LHFPL3: variants seen among roughly 807,000 people sequenced by gnomAD.
LHFPL3 encodes the protein LHFPL tetraspan subfamily member 3.
Under a neutral mutation model 19.3 loss-of-function variants are expected in LHFPL3, and 5 were observed. The ratio of observed to expected loss-of-function variants is 0.26; its 90% CI spans 0.14 to 0.54. The LOEUF is 0.54. LHFPL3 is among the 20% of genes least tolerant of loss of function. The probability of loss-of-function intolerance (pLI) is 0.94; values close to 1 mark genes in which losing one functional copy is unlikely to be tolerated. For synonymous variants in LHFPL3, 133 were observed against 126.2 expected (o/e 1.05, Z -0.36); for missense variants, 249 against 307.4 (o/e 0.81, Z 1.42).
chr7:104,826,685 C>G (rs1482903656), intron 2 of LHFPL3: 1 of 153,206 alleles, frequency 6.5e-6, no homozygotes, highest in Non-Finnish European at 1.5e-5. Flanking sequence ...CCATCATGAC[C>G]CTGAAGCTGC....
intron 1 of LHFPL3, among the ~76,000 whole-genome samples, chr7:104,550,725 C>T (rs1185688333): frequency 1.3e-5 from 2 of 152,102 alleles, no homozygotes; most frequent in East Asian, 1.9e-4. Context: ...TTACCAGCTC[C>T]ATTGAAACCT....
Position 104,505,586 on chromosome 7 carries a change from GA to G in LHFPL3, c.445+176372del, listed in dbSNP as rs200261590. On this transcript the variant is annotated intron_variant, in intron 1 of 2. Transcript: ENST00000424859. The stretch of plus-strand genomic sequence containing the variant: ...ATGACTGAGTTGTTTTGTTTGATAG[GA>G]AAAAAAAAATTTAAACTCTTTGGGA... Among the ~76,000 whole-genome samples the G allele has an allele frequency of 2.6e-4, 39 of 149,154 alleles. No individual in the cohort carries two copies. In the East Asian group the frequency reaches 3.9e-3, roughly 15 times the overall value.
rs146719092 is a variant in LHFPL3 at position 104,386,545 on chromosome 7, T to A, written c.445+57321T>A. Among the ~76,000 whole-genome samples, 614 of 152,334 alleles carry A rather than the reference T, an allele frequency of 4.0e-3. 7 individuals are homozygous for A. The highest frequency in any genetic ancestry group is 0.014 in the African/African-American group (601 of 41,582). ...AGAAAGTCACGTGTGTATTCAAGGC[T>A]GTGATCTTGCCCAGGAGACACCAGA... On this transcript the variant is annotated intron_variant, in intron 1 of 2. Transcript: ENST00000424859.
intron 2 of LHFPL3, among the ~76,000 whole-genome samples, chr7:104,887,899 T>G (rs2116699603): frequency 6.6e-6 from 1 of 152,354 alleles, no homozygotes; most frequent in South Asian, 2.1e-4. Context: ...CTGGTAGGAC[T>G]TTCAGAGTTG....
intron 1 of LHFPL3, among the ~76,000 whole-genome samples, chr7:104,334,690 G>A (rs954774268): frequency 6.6e-6 from 1 of 152,196 alleles, no homozygotes; most frequent in Non-Finnish European, 1.5e-5. Context: ...GATGACAATG[G>A]TTGTGACTTG....
intron 2 of LHFPL3, among the ~76,000 whole-genome samples, chr7:104,783,309 C>T (rs558023961): frequency 1.3e-3 from 193 of 152,360 alleles, no homozygotes; most frequent in Non-Finnish European, 1.6e-3. Flanking sequence ...CTTATCCTGA[C>T]CATAACCCTT....
chr7:104,608,150 A>G (rs1016545387), intron 1 of LHFPL3, among the ~76,000 whole-genome samples: 1 of 152,174 alleles, frequency 6.6e-6, no homozygotes, highest in African/African-American at 2.4e-5. Flanking sequence ...TACTGGGTAT[A>G]TACCCAAAGG....
At chr7:104,743,853 A>G (rs1164745794) in intron 2 of LHFPL3, among the ~76,000 whole-genome samples, 2 of 151,736 alleles carry the variant, frequency 1.3e-5, no homozygotes, top group Non-Finnish European at 2.9e-5. Context: ...CTTTTTTTTG[A>G]GACAGGGTCT....
chr7:104,665,718 T>A (rs1223041534), intron 1 of LHFPL3, among the ~76,000 whole-genome samples: 1 of 152,250 alleles, frequency 6.6e-6, no homozygotes, highest in Non-Finnish European at 1.5e-5. Flanking sequence ...AAAGGTGAGT[T>A]ATTTCAGATG....
At chr7:104,840,178 C>G (rs1382808885) in intron 2 of LHFPL3, among the ~76,000 whole-genome samples, 2 of 151,846 alleles carry the variant, frequency 1.3e-5, no homozygotes, top group Non-Finnish European at 2.9e-5. Flanking sequence ...TCACATCCAG[C>G]CCTAAACTTC....
chr7:104,431,891 C>T (rs1280977287), intron 1 of LHFPL3, among the ~76,000 whole-genome samples: 1 of 152,124 alleles, frequency 6.6e-6, no homozygotes, highest in Non-Finnish European at 1.5e-5. Context: ...GGTTTGTGGT[C>T]TGCCAGTCCT....
At chr7:104,492,089 T>C (rs749257863) in intron 1 of LHFPL3, among the ~76,000 whole-genome samples, 2 of 152,232 alleles carry the variant, frequency 1.3e-5, no homozygotes, top group Non-Finnish European at 2.9e-5. Context: ...TATGTGCTGA[T>C]TCACCAAGAG....
At chr7:104,565,612 G>A (rs1790103867) in intron 1 of LHFPL3, among the ~76,000 whole-genome samples, 1 of 151,904 alleles carries the variant, frequency 6.6e-6, no homozygotes, top group South Asian at 2.1e-4. Flanking sequence ...TTATGGCCTG[G>A]TACTTTAATG....
intron 1 of LHFPL3, among the ~76,000 whole-genome samples, chr7:104,651,904 G>A (rs1265522859): frequency 1.3e-5 from 2 of 152,188 alleles, no homozygotes; most frequent in African/African-American, 2.4e-5. Context: ...AGGATTAAAT[G>A]ACATCACATA....
At chr7:104,423,571 G>A (rs958308025) in intron 1 of LHFPL3, among the ~76,000 whole-genome samples, 2 of 152,192 alleles carry the variant, frequency 1.3e-5, no homozygotes, top group Admixed American at 1.3e-4. Context: ...TGAGGTGGGA[G>A]GATCACTTGA....
At chr7:104,857,997 G>C (rs1183393600) in intron 2 of LHFPL3, among the ~76,000 whole-genome samples, 3 of 152,172 alleles carry the variant, frequency 2.0e-5, no homozygotes, top group Non-Finnish European at 4.4e-5. Context: ...TGTGTCCCAG[G>C]TTACTTCCTG....
chr7:104,560,614 A>G (rs1299911976), intron 1 of LHFPL3, among the ~76,000 whole-genome samples: 7 of 149,098 alleles, frequency 4.7e-5, no homozygotes, highest in Admixed American at 6.7e-5. Flanking sequence ...AATTTTGTTG[A>G]TCCTTTCAGA....
At chr7:104,586,813 C>T (rs1343696561) in intron 1 of LHFPL3, among the ~76,000 whole-genome samples, 1 of 152,076 alleles carries the variant, frequency 6.6e-6, no homozygotes, top group African/African-American at 2.4e-5. Flanking sequence ...TTATAAAACC[C>T]CTTCTGGCCA....
intron 1 of LHFPL3, among the ~76,000 whole-genome samples, chr7:104,405,605 A>C (rs534761501): frequency 6.6e-5 from 10 of 152,332 alleles, no homozygotes; most frequent in Non-Finnish European, 1.3e-4. Flanking sequence ...GGGTAAGTAA[A>C]TTGTCCAACA....
Sources: gnomAD v4.1 joint callset for allele counts (sites outside exome capture counted in the v4.1 genomes callset) on GRCh38, gnomAD v4.1.1 for gene constraint, MANE v1.5 for transcripts, NCBI Gene and HGNC (gene_info 2026-07-23, HGNC 2026-07-21) for gene names.